FAR1: variants seen among roughly 807,000 people sequenced by gnomAD.
FAR1 encodes the protein fatty acyl-CoA reductase 1.
Under a neutral mutation model 61.1 loss-of-function variants are expected in FAR1, and 22 were observed. The observed-to-expected ratio is 0.36, with a 90% confidence interval of 0.26 to 0.51. The LOEUF (loss-of-function observed/expected upper bound fraction) is 0.51. Ranked by LOEUF, FAR1 falls within the 20% of genes least tolerant of loss-of-function variation. FAR1 has a pLI of 0.95. For missense variants in FAR1, 359 were observed against 626.9 expected (o/e 0.57, Z 4.56); for synonymous variants, 206 against 209.7 (o/e 0.98, Z 0.15).
intron 3 of FAR1, among the ~76,000 whole-genome samples, chr11:13,702,288 A>G (rs1848385331): frequency 6.6e-6 from 1 of 152,142 alleles, no homozygotes; most frequent in Non-Finnish European, 1.5e-5. Context: ...TGTTGCAGTT[A>G]CAGGTAGGTT....
chr11:13,710,831 G>T lies in FAR1; in HGVS notation c.684G>T (p.Arg228Ser). 6.2e-7 allele frequency: 1 copy of T among 1,611,760 alleles called. No homozygotes were observed. The highest frequency in any genetic ancestry group is 8.5e-7 in the Non-Finnish European group (1 of 1,179,222). Residue 228 changes from arginine to serine, a missense_variant, in exon 5 of 12, where the codon AGG (arginine) becomes AGT (serine). Arg to Ser is a moderately radical substitution (Grantham distance 110). This residue lies in a region of FAR1 where 344 missense variants were observed against 570.3 expected (regional missense o/e 0.60). Coordinates refer to ENST00000354817, the MANE Select transcript of FAR1 (RefSeq NM_032228.6). ...CAAAACTAAATGTGGCAATTGTAAG[G>T]CCATCGATTGTTGGTGCCAGTTGGA... ...EGAKLNVAIV[R>S]PSIVGASWKE...
rs1213279304 is a variant in FAR1 at position 13,720,556 on chromosome 11, TG to T, written c.1128-1173del. 2.0e-5 allele frequency: 3 copies of T among 152,270 alleles called. No individual in the cohort carries two copies. The East Asian group carries it at 5.8e-4, about 29-fold the overall frequency. 9.4% of individuals were successfully genotyped at this position (152,270 alleles called of 1,614,324 possible). The stretch of plus-strand genomic sequence containing the variant: ...TAGTTTTTTTTTACATAGTTTATAT[TG>T]CTTCATTTTCTTCCAGTATTCTGGA... On this transcript the variant is annotated intron_variant, in intron 9 of 11. Coordinates refer to ENST00000354817, the MANE Select transcript of FAR1 (RefSeq NM_032228.6).
chr11:13,723,738 T>A (rs1378225536), intron 10 of FAR1, among the ~76,000 whole-genome samples: 1 of 152,226 alleles, frequency 6.6e-6, no homozygotes, highest in Non-Finnish European at 1.5e-5. Flanking sequence ...TTTCATATTT[T>A]GTATCTCAGT....
chr11:13,722,457 A>C (rs1848620007), intron 10 of FAR1, among the ~76,000 whole-genome samples: 1 of 151,836 alleles, frequency 6.6e-6, no homozygotes, highest in Non-Finnish European at 1.5e-5. Flanking sequence ...ACATTACTTC[A>C]GTTCTCTAAT....
chr11:13,680,806 A>G (rs1415422783), intron 1 of FAR1, among the ~76,000 whole-genome samples: 1 of 152,222 alleles, frequency 6.6e-6, no homozygotes, highest in South Asian at 2.1e-4. Context: ...AGATTTCAAC[A>G]TGAGACTTGG....
At chr11:13,690,614 G>T (rs1184425469) in intron 1 of FAR1, among the ~76,000 whole-genome samples, 1 of 152,014 alleles carries the variant, frequency 6.6e-6, no homozygotes, top group East Asian at 1.9e-4. Context: ...TTCTCTTCTT[G>T]TCCCAATACC....
chr11:13,716,221 G>T (rs1848554262), intron 9 of FAR1, among the ~76,000 whole-genome samples: 1 of 152,036 alleles, frequency 6.6e-6, no homozygotes, highest in Non-Finnish European at 1.5e-5. Flanking sequence ...AAAAAAACAG[G>T]TTAAATACAT....
chr11:13,695,006 T>A (rs1443751681), intron 2 of FAR1, 52 bp downstream of exon 2: 1 of 1,438,638 alleles, frequency 7.0e-7, no homozygotes, highest in East Asian at 2.3e-5. Flanking sequence ...TGTGCTTGTG[T>A]ATATAATTAT....
chr11:13,725,774 C>G (rs559121906), intron 10 of FAR1, among the ~76,000 whole-genome samples: 1 of 152,092 alleles, frequency 6.6e-6, no homozygotes, highest in Non-Finnish European at 1.5e-5. Context: ...TAGTTGTAAG[C>G]AGCATATAGC....
chr11:13,721,928 T>A lies in FAR1; in HGVS notation c.1257+69T>A. The A allele has an allele frequency of 7.7e-7, 1 of 1,306,142 alleles. No individual in the cohort carries two copies. The highest frequency in any genetic ancestry group is 1.0e-6 in the Non-Finnish European group (1 of 952,724). The allele number at this position is 1,306,142 out of a possible 1,614,324, so 80.9% of individuals were successfully genotyped here. ...ACTAATTACAGAACTATTAGCAACCTGAGAAATATTTTCCACAGCTATTAT... is the reference window on the plus strand; with the variant it reads ...ACTAATTACAGAACTATTAGCAACCAGAGAAATATTTTCCACAGCTATTAT... On this transcript the variant is annotated intron_variant, in intron 10 of 11. Coordinates refer to ENST00000354817, the MANE Select transcript of FAR1 (RefSeq NM_032228.6). This position sits in a 1 kb window ranked among gnomAD's most constrained non-coding sequence, Gnocchi z 4.2.
intron 9 of FAR1, 77 bp downstream of exon 9, chr11:13,714,757 G>A (rs1848537853): frequency 3.8e-6 from 5 of 1,330,252 alleles, no homozygotes; most frequent in Non-Finnish European, 1.0e-6. Flanking sequence ...TATTAACTCT[G>A]TATTTGTTTA....
At chr11:13,705,488 C>T (rs1238990493) in intron 3 of FAR1, among the ~76,000 whole-genome samples, 2 of 152,162 alleles carry the variant, frequency 1.3e-5, no homozygotes, top group Non-Finnish European at 2.9e-5. Flanking sequence ...TGTCACCATC[C>T]TCAGGGACAT....
chr11:13,681,721 T>C (rs1429863565), intron 1 of FAR1, among the ~76,000 whole-genome samples: 2 of 152,206 alleles, frequency 1.3e-5, no homozygotes, highest in Non-Finnish European at 2.9e-5. Flanking sequence ...TCAGCCAGAA[T>C]TGCTTAGCTG....
intron 1 of FAR1, among the ~76,000 whole-genome samples, chr11:13,682,400 T>G (rs1186501543): frequency 6.6e-6 from 1 of 152,206 alleles, no homozygotes; most frequent in Non-Finnish European, 1.5e-5. Context: ...GTCTTCCTGT[T>G]TTTTTAAAGT....
intron 4 of FAR1, among the ~76,000 whole-genome samples, chr11:13,709,955 CCTT>C (rs2134191016): frequency 6.6e-6 from 1 of 152,174 alleles, no homozygotes; most frequent in East Asian, 1.9e-4. Flanking sequence ...ATATCGCCCT[CCTT>C]TTACAGATGA....
intron 1 of FAR1, among the ~76,000 whole-genome samples, chr11:13,690,844 GTA>G (rs2134177163): frequency 6.6e-6 from 1 of 152,266 alleles, no homozygotes; most frequent in South Asian, 2.1e-4. Flanking sequence ...TAGGAATATA[GTA>G]TATGTCTCCA....
In FAR1 at chr11:13,708,036, T is replaced by C; in HGVS notation, c.502T>C (p.Tyr168His). Residue 168 changes from tyrosine (Y) to histidine (H), a missense_variant, in exon 4 of 12, where the codon TAT (tyrosine) becomes CAT (histidine). Tyr to His is a moderately conservative substitution (Grantham distance 83). This residue lies in a region of FAR1 where 344 missense variants were observed against 570.3 expected (regional missense o/e 0.60). Coordinates refer to ENST00000354817, the MANE Select transcript of FAR1 (RefSeq NM_032228.6). ...CNRKHIDEVV[Y>H]PPPVDPKKLI... Reference sequence around the variant, plus strand: ...TCGCAAGCATATTGATGAAGTAGTCTATCCACCACCTGTGGATCCCAAGAA... The same window carrying C: ...TCGCAAGCATATTGATGAAGTAGTCCATCCACCACCTGTGGATCCCAAGAA... 1 of 1,608,348 alleles carries C rather than the reference T, an allele frequency of 6.2e-7. No individual in the cohort carries two copies. Among genetic ancestry groups the C allele is most frequent in the African/African-American group, 1.3e-5 (1 of 74,690 alleles).
At chr11:13,706,733 A>G (rs1056184663) in intron 3 of FAR1, among the ~76,000 whole-genome samples, 3 of 152,164 alleles carry the variant, frequency 2.0e-5, no homozygotes, top group Non-Finnish European at 4.4e-5. Context: ...TAAAAGCTGT[A>G]AACAGAAGTT....
At chr11:13,674,038 G>T (rs908069367) in intron 1 of FAR1, among the ~76,000 whole-genome samples, 3 of 152,146 alleles carry the variant, frequency 2.0e-5, no homozygotes, top group Non-Finnish European at 4.4e-5. Context: ...TGGGCCGGGT[G>T]CGGTGGCTCA....
Sources: gnomAD v4.1 joint callset for allele counts (sites outside exome capture counted in the v4.1 genomes callset) on GRCh38, gnomAD v4.1.1 for gene constraint, gnomAD v4.1.1 regional missense constraint, Gnocchi (gnomAD v3.1) non-coding constraint, MANE v1.5 for transcripts, NCBI Gene and HGNC (gene_info 2026-07-23, HGNC 2026-07-21) for gene names.